The following CIC variants were observed in gnomAD, a reference collection of about 807,000 sequenced individuals.
CIC encodes capicua transcriptional repressor, also known as protein capicua homolog.
In CIC, 18 loss-of-function variants were observed where a neutral mutation model predicts 115.7. The ratio of observed to expected loss-of-function variants is 0.16; its 90% CI spans 0.11 to 0.23. The LOEUF is 0.23. Ranked by LOEUF, CIC falls within the 10% of genes least tolerant of loss-of-function variation. The pLI is 1.00. For missense variants in CIC, 2,000 were observed against 2,159.3 expected (o/e 0.93, Z 1.46); for synonymous variants, 1,076 against 923.0 (o/e 1.17, Z -3.01).
chr19:42,289,108 C>T lies in CIC; in HGVS notation c.3861+18C>T. On this transcript the variant is annotated intron_variant, in intron 8 of 20. Transcript: ENST00000681038. Reference sequence around the variant, plus strand: ...TGACGCAGGTCTAGGGTGCAGGCCCCCTAGTGGGGGTGGGCAGGGAACCTG... The same window carrying T: ...TGACGCAGGTCTAGGGTGCAGGCCCTCTAGTGGGGGTGGGCAGGGAACCTG... The T allele has an allele frequency of 1.9e-6, 3 of 1,613,420 alleles. No individual in the cohort carries two copies. Among genetic ancestry groups the T allele is most frequent in the Non-Finnish European group, 2.5e-6 (3 of 1,180,022 alleles).
At chr19:42,289,548 C>G in intron 9 of CIC, 142 bp downstream of exon 9, 1 of 1,002,774 alleles carries the variant, frequency 1.0e-6, no homozygotes, top group Non-Finnish European at 1.5e-6. Flanking sequence ...AGTTCAGGCC[C>G]TGCCGAGTAA....
At chr19:42,292,277 C>T in intron 13 of CIC, 23 bp from the exon 14 acceptor site, 2 of 1,613,544 alleles carry the variant, frequency 1.2e-6, no homozygotes, top group African/African-American at 1.3e-5. Flanking sequence ...CCTCACTCCT[C>T]CCCATTTCCT....
At chr19:42,286,599 GGGA>G (rs936212174) in intron 2 of CIC, among the ~76,000 whole-genome samples, 169 bp from the exon 3 acceptor site, 3 of 151,346 alleles carry the variant, frequency 2.0e-5, no homozygotes, top group African/African-American at 7.3e-5. Flanking sequence ...AAACCTTTCA[GGGA>G]GGAGTTTTTC....
chr19:42,283,680 G>A (rs948737073), intron 2 of CIC, among the ~76,000 whole-genome samples: 1 of 152,070 alleles, frequency 6.6e-6, no homozygotes, highest in African/African-American at 2.4e-5. Context: ...CGAGCCGCGC[G>A]TGAGCGTGTT....
chr19:42,289,158 C>G (rs764785074), intron 8 of CIC, 23 bp from the exon 9 acceptor site: 6 of 1,613,224 alleles, frequency 3.7e-6, no homozygotes, highest in Non-Finnish European at 5.1e-6. Flanking sequence ...CCCGCTGAAC[C>G]CTCTCTGCCA....
intron 2 of CIC, chr19:42,284,847 G>T: frequency 2.4e-6 from 3 of 1,253,668 alleles, no homozygotes; most frequent in East Asian, 2.5e-5. Flanking sequence ...GGTGGTGGGG[G>T]TATAGTAGGG....
chr19:42,273,033 C>T lies in CIC; in HGVS notation c.1250C>T (p.Pro417Leu). The T allele has an allele frequency of 5.0e-6, 2 of 399,366 alleles. No homozygotes were observed. Among genetic ancestry groups the T allele is most frequent in the Non-Finnish European group, 8.8e-6 (2 of 226,530 alleles). The allele number at this position is 399,366 out of a possible 1,614,324, so 24.7% of individuals were successfully genotyped here. A position where few individuals can be genotyped will look rare whatever the true frequency, so the allele number is the denominator to read the frequency against. ...ALGTPALLPLPPPQLLSPPPK... is the reference protein window; with the variant it reads ...ALGTPALLPLLPPQLLSPPPK... ...GGTACCCCAGCCCTGCTCCCACTGCCCCCACCCCAGCTCCTGTCACCACCA... is the reference window on the plus strand; with the variant it reads ...GGTACCCCAGCCCTGCTCCCACTGCTCCCACCCCAGCTCCTGTCACCACCA... The change falls in exon 2 of 21, where the codon CCC becomes CTC. Residue 417 changes from proline (P) to leucine (L), a missense_variant. Around this residue, in one of 8 missense-constraint regions of CIC, gnomAD observed 222 missense variants for 247.7 expected, o/e 0.90. Transcript: ENST00000681038.
chr19:42,278,084 C>T (rs909748421), intron 2 of CIC, among the ~76,000 whole-genome samples: 1 of 152,240 alleles, frequency 6.6e-6, no homozygotes, highest in Non-Finnish European at 1.5e-5. Context: ...CCTGCCTGCT[C>T]CTGCCCCCAG....
At chr19:42,284,401 T>C (rs2037449250) in intron 2 of CIC, 1 of 143,364 alleles carries the variant, frequency 7.0e-6, no homozygotes, top group Non-Finnish European at 1.5e-5. Context: ...GCGGTGCCGA[T>C]GGCCCCCGTG....
In CIC at chr19:42,273,796, C is replaced by T. The variant is rs543540678; in HGVS notation, c.2013C>T (p.Gly671=). The change falls in exon 2 of 21, where the codon GGC becomes GGT. Residue 671 remains glycine (G), a synonymous_variant. Coordinates refer to ENST00000681038, the MANE Select transcript of CIC (RefSeq NM_001386298.1). ...RHLSASTPKA[G]VLTPPDLGPH... Reference sequence around the variant, plus strand: ...TGAGCGCCAGCACCCCTAAGGCAGGCGTGCTGACGCCACCAGACCTGGGCC... The same window carrying T: ...TGAGCGCCAGCACCCCTAAGGCAGGTGTGCTGACGCCACCAGACCTGGGCC... The T allele has an allele frequency of 6.0e-4, 240 of 398,784 alleles. 1 individual carries two copies. Among genetic ancestry groups the T allele is most frequent in the African/African-American group, 2.6e-3 (128 of 48,736 alleles). The allele number at this position is 398,784 out of a possible 1,614,324, so 24.7% of individuals were successfully genotyped here. A position where few individuals can be genotyped will look rare whatever the true frequency, so the allele number is the denominator to read the frequency against.
rs774041909 is a variant in CIC at position 42,272,528 on chromosome 19, G to A, written c.745G>A (p.Ala249Thr). The A allele has an allele frequency of 5.8e-5, 23 of 398,464 alleles. No individual in the cohort carries two copies. The highest frequency in any genetic ancestry group is 2.7e-4 in the African/African-American group (13 of 48,608). The allele number at this position is 398,464 out of a possible 1,614,324, so 24.7% of individuals were successfully genotyped here. A position where few individuals can be genotyped will look rare whatever the true frequency, so the allele number is the denominator to read the frequency against. The change falls in exon 2 of 21, where the codon GCT becomes ACT. Residue 249 changes from alanine to threonine, a missense_variant. Physicochemically the swap from Ala to Thr is moderately conservative, Grantham distance 58. This residue lies in a region of CIC where 222 missense variants were observed against 247.7 expected (regional missense o/e 0.90). Transcript: ENST00000681038. ...ALTFYEGVPGAGVDVVLDATP... is the reference protein window; with the variant it reads ...ALTFYEGVPGTGVDVVLDATP... ...GACTTTCTATGAGGGGGTGCCAGGCGCTGGTGTGGATGTAGTTTTGGATGC... is the reference window on the plus strand; with the variant it reads ...GACTTTCTATGAGGGGGTGCCAGGCACTGGTGTGGATGTAGTTTTGGATGC...
In CIC at chr19:42,270,980, G is replaced by A. The variant is rs2036764221; in HGVS notation, c.-10-794G>A. Among the ~76,000 whole-genome samples the A allele has an allele frequency of 6.6e-6, 1 of 151,904 alleles. No individual in the cohort carries two copies. Among genetic ancestry groups the A allele is most frequent in the South Asian group, 2.1e-4 (1 of 4,836 alleles). On this transcript the variant is annotated intron_variant, in intron 1 of 20. Transcript: ENST00000681038. The surrounding 1 kb of genome is among the most constrained non-coding windows in gnomAD (Gnocchi z 4.1). The stretch of plus-strand genomic sequence containing the variant: ...GATGGCTGTACCTGGCAGCCCTAGG[G>A]TGCAGAGCAGAGTGGGCAGCCGTCC...
At chr19:42,288,758 T>C in intron 7 of CIC, 130 bp from the exon 8 acceptor site, 1 of 825,940 alleles carries the variant, frequency 1.2e-6, no homozygotes, top group Non-Finnish European at 2.0e-6. Flanking sequence ...GGTTTTTTTT[T>C]TTCACCAAGT....
chr19:42,282,705 CCA>C (rs1300456540), intron 2 of CIC, among the ~76,000 whole-genome samples: 1 of 152,210 alleles, frequency 6.6e-6, no homozygotes, highest in Non-Finnish European at 1.5e-5. Flanking sequence ...CATGATCTTG[CCA>C]CAGTTTATTC....
At chr19:42,292,273 T>G in intron 13 of CIC, 27 bp from the exon 14 acceptor site, 5 of 1,613,364 alleles carry the variant, frequency 3.1e-6, no homozygotes, top group Non-Finnish European at 3.4e-6. Context: ...CTTACCTCAC[T>G]CCTCCCCATT....
At position 42,292,950 on chromosome 19, in the gene CIC, C is replaced by T; in HGVS notation, c.6197-6C>T. ...CTGGCTCAGCAAACAATTTTCTCCC[C>T]ACTAGCAGGTTCCATGACCTACAGC... On this transcript the variant is annotated splice_region_variant and splice_polypyrimidine_tract_variant and intron_variant, in intron 15 of 20. Transcript: ENST00000681038. The T allele has an allele frequency of 6.2e-7, 1 of 1,613,870 alleles. No homozygotes were observed. The highest frequency in any genetic ancestry group is 8.5e-7 in the Non-Finnish European group (1 of 1,180,006).
chr19:42,273,948 C>T lies in CIC; in HGVS notation c.2165C>T (p.Pro722Leu). The T allele has an allele frequency of 2.5e-6, 1 of 398,824 alleles. No homozygotes were observed. Among genetic ancestry groups the T allele is most frequent in the Non-Finnish European group, 4.4e-6 (1 of 226,218 alleles). The allele number at this position is 398,824 out of a possible 1,614,324, so 24.7% of individuals were successfully genotyped here. Residue 722 changes from proline (P) to leucine (L), a missense_variant, in exon 2 of 21, where the codon CCA (proline) becomes CTA (leucine). By Grantham distance (98) the Pro-to-Leu change is moderately conservative. Around this residue, in one of 8 missense-constraint regions of CIC, gnomAD observed 222 missense variants for 247.7 expected, o/e 0.90. Coordinates refer to ENST00000681038, the MANE Select transcript of CIC (RefSeq NM_001386298.1). ...GRRKTELLPH[P>L]GALGAPGAGG... ...CGGAAGACAGAGCTGTTGCCGCATCCAGGGGCCTTGGGGGCCCCTGGCGCA... is the reference window on the plus strand; with the variant it reads ...CGGAAGACAGAGCTGTTGCCGCATCTAGGGGCCTTGGGGGCCCCTGGCGCA...
rs1416975417 is a variant in CIC at position 42,294,683 on chromosome 19, G to C, written c.7134G>C (p.Gln2378His). The part of the protein sequence containing the change: ...PYSSLRRTLD[Q>H]RRALVMQLFQ... ...CCTCCCTGCGGCGCACCCTGGACCAGCGCCGGGCCCTGGTCATGCAGCTCT... is the reference window on the plus strand; with the variant it reads ...CCTCCCTGCGGCGCACCCTGGACCACCGCCGGGCCCTGGTCATGCAGCTCT... Residue 2378 changes from glutamine (Q) to histidine (H), a missense_variant, in exon 20 of 21, where the codon CAG becomes CAC. Gln to His is a conservative substitution (Grantham distance 24). Coordinates refer to ENST00000681038, the MANE Select transcript of CIC (RefSeq NM_001386298.1). The C allele has an allele frequency of 6.2e-7, 1 of 1,613,804 alleles. No individual in the cohort carries two copies. The highest frequency in any genetic ancestry group is 2.2e-5 in the East Asian group (1 of 44,878).
intron 2 of CIC, chr19:42,284,588 A>G (rs1214936103): frequency 5.1e-6 from 2 of 395,636 alleles, no homozygotes; most frequent in Non-Finnish European, 4.1e-6. Flanking sequence ...GCATGCGGCG[A>G]CGGCCTCCCG....
Sources: allele counts gnomAD v4.1 joint callset (sites outside exome capture counted in the v4.1 genomes callset), GRCh38; gene constraint gnomAD v4.1.1; regional missense constraint gnomAD v4.1.1; non-coding constraint Gnocchi (gnomAD v3.1); transcripts MANE v1.5; gene names NCBI Gene and HGNC (gene_info 2026-07-23, HGNC 2026-07-21).